The following LRRK2 variants were observed in gnomAD, a reference collection of about 807,000 sequenced individuals.
LRRK2 encodes leucine-rich repeat serine/threonine-protein kinase 2.
A neutral mutation model predicts 302.6 loss-of-function variants in LRRK2; 203 were observed. The observed-to-expected ratio is 0.67, with a 90% confidence interval of 0.60 to 0.75. LRRK2 has a LOEUF of 0.75. LRRK2 is among the 30% of genes least tolerant of loss of function. LRRK2 has a pLI of 0.00. For synonymous variants in LRRK2, 1,066 were observed against 1,031.9 expected, an observed-to-expected ratio of 1.03 and a Z score of -0.63; for missense variants, 2,830 against 2,951.0, an observed-to-expected ratio of 0.96 and a Z score of 0.95.
chr12:40,253,461 C>T (rs1023839696), intron 11 of LRRK2, among the ~76,000 whole-genome samples: 1 of 152,280 alleles, frequency 6.6e-6, no homozygotes, highest in African/African-American at 2.4e-5. Flanking sequence ...TCATGGCTCA[C>T]TACAACCTCA....
At chr12:40,311,268 T>G (rs1048472016) in intron 31 of LRRK2, among the ~76,000 whole-genome samples, 1 of 152,174 alleles carries the variant, frequency 6.6e-6, no homozygotes, top group Non-Finnish European at 1.5e-5. Context: ...TTAGGAATTA[T>G]GTTTTAAATG....
intron 39 of LRRK2, among the ~76,000 whole-genome samples, chr12:40,331,002 A>T (rs1945697168): frequency 6.6e-6 from 1 of 152,154 alleles, no homozygotes; most frequent in Non-Finnish European, 1.5e-5. Context: ...TTTGGATAAA[A>T]TGTCCATAGG....
At chr12:40,234,958 A>G (rs1193649570) in intron 3 of LRRK2, among the ~76,000 whole-genome samples, 5 of 152,162 alleles carry the variant, frequency 3.3e-5, no homozygotes, top group African/African-American at 4.8e-5. Context: ...GAAAATAAGT[A>G]GTGCTTTTAA....
chr12:40,317,446 A>C (rs1461576010), intron 33 of LRRK2, among the ~76,000 whole-genome samples: 1 of 152,112 alleles, frequency 6.6e-6, no homozygotes, highest in Non-Finnish European at 1.5e-5. Flanking sequence ...TTCATGAATC[A>C]AGGCAAGGGC....
intron 15 of LRRK2, 57 bp from the exon 16 acceptor site, chr12:40,274,797 T>C (rs749118311): frequency 1.8e-5 from 29 of 1,609,392 alleles, no homozygotes; most frequent in Non-Finnish European, 2.4e-5. Flanking sequence ...TGGATGTCTT[T>C]AAATATTTTT....
chr12:40,282,162 C>G (rs974960558), intron 18 of LRRK2, among the ~76,000 whole-genome samples: 2 of 139,574 alleles, frequency 1.4e-5, no homozygotes, highest in African/African-American at 5.3e-5. Context: ...TTCTCTTCCC[C>G]TTCCCCTTCC....
chr12:40,271,727 C>A (rs1409156152), intron 14 of LRRK2, among the ~76,000 whole-genome samples: 2 of 151,960 alleles, frequency 1.3e-5, no homozygotes, highest in Non-Finnish European at 2.9e-5. Flanking sequence ...AATTTTTAAA[C>A]ATTTACTTAG....
chr12:40,293,969 G>A (rs1944270462), intron 21 of LRRK2, among the ~76,000 whole-genome samples: 1 of 150,342 alleles, frequency 6.7e-6, no homozygotes, highest in Admixed American at 6.7e-5. Context: ...CTCCATGTCT[G>A]AAAAGAGCCC....
In LRRK2 at chr12:40,283,889, G is replaced by A. The variant is rs377047630; in HGVS notation, c.2256G>A (p.Glu752=). Residue 752 remains glutamate, a synonymous_variant, in exon 19 of 51, where the codon GAG becomes GAA. Coordinates refer to ENST00000298910, the MANE Select transcript of LRRK2 (RefSeq NM_198578.4). ...SSLICQVCEK[E]SSPKLVELLL... is the part of the protein sequence containing the mutation. ...TTCTTTAATAGGTATGTGAGAAAGA[G>A]AGCAGTCCCAAATTGGTGGAACTCT... The A allele has an allele frequency of 2.5e-6, 4 of 1,612,642 alleles. No homozygotes were observed. The African/African-American group carries it at 4.0e-5, about 16-fold the overall frequency.
chr12:40,337,546 C>T (rs1436991127), intron 40 of LRRK2, among the ~76,000 whole-genome samples: 1 of 152,142 alleles, frequency 6.6e-6, no homozygotes, highest in Non-Finnish European at 1.5e-5. Context: ...CAAACACCTT[C>T]CCCCGAAAGC....
chr12:40,286,621 G>T (rs1455282855), intron 19 of LRRK2: 1 of 151,966 alleles, frequency 6.6e-6, no homozygotes, highest in Non-Finnish European at 1.5e-5. Context: ...AACCAGCATT[G>T]TATTAGCCAA....
intron 49 of LRRK2, chr12:40,366,279 T>G (rs1368652046): frequency 6.6e-6 from 1 of 151,896 alleles, no homozygotes; most frequent in Non-Finnish European, 1.5e-5. Flanking sequence ...TTTTTCATGC[T>G]TATTTAACTC....
chr12:40,302,933 C>G (rs935069725), intron 26 of LRRK2, 51 bp downstream of exon 26: 1 of 1,215,148 alleles, frequency 8.2e-7, no homozygotes, highest in Non-Finnish European at 1.2e-6. Flanking sequence ...GGAACAGAAC[C>G]TTTAGAAACA....
chr12:40,336,937 C>A (rs1053289166), intron 40 of LRRK2, among the ~76,000 whole-genome samples: 8 of 152,138 alleles, frequency 5.3e-5, no homozygotes, highest in Middle Eastern at 3.2e-3. Flanking sequence ...TAACACTGTT[C>A]GAAACACCTT....
At position 40,253,031 on chromosome 12, in the gene LRRK2, A is replaced by T. The variant is rs1942347991; in HGVS notation, c.1288+15A>T. Reference sequence around the variant, plus strand: ...AGAACAAAATGGTAAGCAGTGGGCCATGTTTTCAAATAAAGGGAAACACAT... The same window carrying T: ...AGAACAAAATGGTAAGCAGTGGGCCTTGTTTTCAAATAAAGGGAAACACAT... On this transcript the variant is annotated intron_variant, in intron 11 of 50. Coordinates refer to ENST00000298910, the MANE Select transcript of LRRK2 (RefSeq NM_198578.4). 1.3e-6 allele frequency: 2 copies of T among 1,520,942 alleles called. No individual in the cohort carries two copies. The highest frequency in any genetic ancestry group is 1.8e-6 in the Non-Finnish European group (2 of 1,095,762). The allele number at this position is 1,520,942 out of a possible 1,614,324, so 94.2% of individuals were successfully genotyped here. A position where few individuals can be genotyped will look rare whatever the true frequency, so the allele number is the denominator to read the frequency against.
intron 46 of LRRK2, among the ~76,000 whole-genome samples, chr12:40,358,092 CT>C (rs76454537): frequency 1.9e-3 from 281 of 145,606 alleles, no homozygotes; most frequent in Middle Eastern, 7.1e-3. Flanking sequence ...AAATGGAGTT[CT>C]TTTTTTTTTT....
chr12:40,237,835 AAAC>A, intron 4 of LRRK2, 131 bp from the exon 5 acceptor site: 1 of 946,850 alleles, frequency 1.1e-6, no homozygotes, highest in Admixed American at 2.2e-5. Flanking sequence ...ACAAACAAAC[AAAC>A]AAACAAACAA....
chr12:40,277,627 G>T (rs539925588), intron 16 of LRRK2, among the ~76,000 whole-genome samples: 21 of 152,244 alleles, frequency 1.4e-4, no homozygotes, highest in African/African-American at 5.1e-4. Flanking sequence ...AAATTTGAGG[G>T]TATTAGTTCT....
chr12:40,313,339 A>G (rs530012756), intron 31 of LRRK2, among the ~76,000 whole-genome samples: 1 of 152,072 alleles, frequency 6.6e-6, no homozygotes, highest in South Asian at 2.1e-4. Flanking sequence ...CATTTTGTTG[A>G]TAGTGATTAG....
Sources: allele counts gnomAD v4.1 joint callset (sites outside exome capture counted in the v4.1 genomes callset), GRCh38; gene constraint gnomAD v4.1.1; transcripts MANE v1.5; gene names NCBI Gene and HGNC (gene_info 2026-07-23, HGNC 2026-07-21).